Variants in PFKP observed in about 807,000 individuals in gnomAD.
PFKP encodes phosphofructokinase, platelet, also known as ATP-dependent 6-phosphofructokinase, platelet type.
In PFKP, 101 loss-of-function variants were observed where a neutral mutation model predicts 94.3. The observed-to-expected ratio is 1.07, with a 90% confidence interval of 0.91 to 1.26. The LOEUF (loss-of-function observed/expected upper bound fraction) is 1.26. Ranked by LOEUF, PFKP falls within the 50% of genes most tolerant of loss-of-function variation. PFKP has a pLI of 0.00. For missense variants in PFKP, 1,145 were observed against 1,103.3 expected (o/e 1.04, Z -0.53); for synonymous variants, 573 against 432.6 (o/e 1.32, Z -4.03).
chr10:3,125,380 C>T (rs1436040727), intron 16 of PFKP: 1 of 635,810 alleles, frequency 1.6e-6, no homozygotes, highest in Non-Finnish European at 2.2e-6. Context: ...TTATGTCACA[C>T]TGGCCAGAAC....
At position 3,129,881 on chromosome 10, in the gene PFKP, C is replaced by T. The variant is rs1169027889; in HGVS notation, c.1746C>T (p.Thr582=). The change falls in exon 17 of 22, where the codon ACC becomes ACT. Residue 582 remains threonine, a synonymous_variant. Coordinates refer to ENST00000381125, the MANE Select transcript of PFKP (RefSeq NM_002627.5). ...GTKRRVFIIE[T]MGGYCGYLAN... is the part of the protein sequence containing the mutation. ...AGCGGCGCGTGTTCATCATCGAGAC[C>T]ATGGGCGGCTACTGTGGCTACCTGG... The T allele has an allele frequency of 6.2e-6, 10 of 1,613,652 alleles. No individual in the cohort carries two copies. Among genetic ancestry groups the T allele is most frequent in the Admixed American group, 3.3e-5 (2 of 60,002 alleles).
At chr10:3,119,596 C>T (rs919326483) in intron 15 of PFKP, among the ~76,000 whole-genome samples, 1 of 99,102 alleles carries the variant, frequency 1.0e-5, no homozygotes, top group Non-Finnish European at 2.2e-5. Context: ...CAAAGCGAGA[C>T]TCCGTCTCAA....
intron 1 of PFKP, chr10:3,068,530 C>A: frequency 3.3e-6 from 1 of 299,284 alleles, no homozygotes; most frequent in Non-Finnish European, 4.9e-6. Flanking sequence ...AGCGGCGCCG[C>A]GGCGCGGGCT....
intron 1 of PFKP, 47 bp downstream of exon 1, chr10:3,067,754 C>A: frequency 2.8e-6 from 3 of 1,052,994 alleles, no homozygotes; most frequent in South Asian, 1.6e-5. Flanking sequence ...ACGGACGGAG[C>A]TGGGGAGAAC....
intron 4 of PFKP, among the ~76,000 whole-genome samples, chr10:3,103,074 G>A (rs1835177420): frequency 6.6e-6 from 1 of 152,250 alleles, no homozygotes; most frequent in African/African-American, 2.4e-5. Context: ...TCCCACAGAT[G>A]CATGAGAAAT....
chr10:3,100,850 G>A lies in PFKP; in HGVS notation c.265-515G>A, dbSNP rs1460967540. On this transcript the variant is annotated intron_variant, in intron 3 of 21. Transcript: ENST00000381125. Reference sequence around the variant, plus strand: ...GATATAGCTCTTTAAAAGGGGCAGCGAGTATGTGGTGCAAAAAAAAAAAAA... The same window carrying A: ...GATATAGCTCTTTAAAAGGGGCAGCAAGTATGTGGTGCAAAAAAAAAAAAA... 18 of 501,584 alleles carry A rather than the reference G, an allele frequency of 3.6e-5. 1 individual carries two copies. The highest frequency in any genetic ancestry group is 1.8e-4 in the South Asian group (8 of 44,804). 31.1% of individuals were successfully genotyped at this position (501,584 alleles called of 1,614,324 possible). A position where few individuals can be genotyped will look rare whatever the true frequency, so the allele number is the denominator to read the frequency against.
intron 6 of PFKP, 100 bp from the exon 7 acceptor site, chr10:3,105,290 ACCT>A: frequency 7.7e-7 from 1 of 1,295,250 alleles, no homozygotes; most frequent in South Asian, 1.2e-5. Flanking sequence ...CCCGCTTCAT[ACCT>A]GGCGTTAGGT....
chr10:3,104,821 G>T, intron 5 of PFKP: 3 of 500,930 alleles, frequency 6.0e-6, no homozygotes, highest in Non-Finnish European at 1.1e-5. Context: ...CGGGGCCGGG[G>T]AGTGTGAGTG....
intron 2 of PFKP, among the ~76,000 whole-genome samples, chr10:3,088,421 A>G (rs1324067279): frequency 1.3e-5 from 2 of 152,038 alleles, no homozygotes; most frequent in Admixed American, 1.3e-4. Context: ...GGTGGTTCCA[A>G]GTCTTTAATT....
chr10:3,113,359 TTC>T lies in PFKP; in HGVS notation c.1225-11_1225-10del. The T allele has an allele frequency of 6.3e-7, 1 of 1,577,752 alleles. No individual in the cohort carries two copies. Among genetic ancestry groups the T allele is most frequent in the Non-Finnish European group, 8.6e-7 (1 of 1,158,058 alleles). Reference sequence around the variant, plus strand: ...GCCCGTGACCCAGCACTCACCTGCCTTCTGTTTTGCAGACCAATTGCAACGTA... The same window carrying T: ...GCCCGTGACCCAGCACTCACCTGCCTTGTTTTGCAGACCAATTGCAACGTA... On this transcript the variant is annotated splice_polypyrimidine_tract_variant and intron_variant, in intron 12 of 21. Coordinates refer to ENST00000381125, the MANE Select transcript of PFKP (RefSeq NM_002627.5).
intron 1 of PFKP, among the ~76,000 whole-genome samples, chr10:3,073,489 C>T (rs913857175): frequency 6.6e-6 from 1 of 151,750 alleles, no homozygotes; most frequent in African/African-American, 2.4e-5. Context: ...CCGACTCTCA[C>T]GGGGAGGGCA....
intron 8 of PFKP, 40 bp downstream of exon 8, chr10:3,107,349 C>T: frequency 2.3e-6 from 3 of 1,295,508 alleles, no homozygotes; most frequent in Non-Finnish European, 3.4e-6. Flanking sequence ...CGGTTTCTGC[C>T]TGGAAGCAGG....
chr10:3,119,104 C>G (rs79741073), intron 15 of PFKP, among the ~76,000 whole-genome samples: 1 of 144,346 alleles, frequency 6.9e-6, no homozygotes, highest in Admixed American at 7.2e-5. Context: ...CTCCTTAACC[C>G]GGGCCTCATC....
chr10:3,136,633 C>A lies in PFKP; in HGVS notation c.*54C>A, dbSNP rs925379817. On this transcript the variant is annotated 3_prime_UTR_variant, in exon 22 of 22. Transcript: ENST00000381125. ...CACCGTGGACTGTCTGTTTTTGTAACACTTAAGTTATTTTATCAGCACTTT... is the reference window on the plus strand; with the variant it reads ...CACCGTGGACTGTCTGTTTTTGTAAAACTTAAGTTATTTTATCAGCACTTT... 1.9e-6 allele frequency: 3 copies of A among 1,582,946 alleles called. No homozygotes were observed. The highest frequency in any genetic ancestry group is 3.4e-5 in the Admixed American group (2 of 58,494).
intron 2 of PFKP, among the ~76,000 whole-genome samples, chr10:3,082,950 A>G (rs955010657): frequency 1.3e-5 from 2 of 152,102 alleles, no homozygotes; most frequent in African/African-American, 4.8e-5. Context: ...TCCTCAAGCT[A>G]TCCACCCGCC....
intron 2 of PFKP, among the ~76,000 whole-genome samples, chr10:3,090,578 C>A (rs548158518): frequency 6.6e-6 from 1 of 151,910 alleles, no homozygotes; most frequent in Non-Finnish European, 1.5e-5. Context: ...CTGGTCTCTG[C>A]GTCATACCCA....
At chr10:3,105,274 C>A (rs140844105) in intron 6 of PFKP, 115 bp downstream of exon 6, 2 of 1,302,636 alleles carry the variant, frequency 1.5e-6, no homozygotes, top group East Asian at 2.3e-5. Context: ...CTGAAGGGGC[C>A]GGCATCCCGC....
At chr10:3,103,750 A>G in intron 4 of PFKP, 29 bp from the exon 5 acceptor site, 1 of 1,612,088 alleles carries the variant, frequency 6.2e-7, no homozygotes, top group Non-Finnish European at 8.5e-7. Flanking sequence ...GGTTACGGCG[A>G]TGAGACGTGC....
intron 11 of PFKP, 38 bp downstream of exon 11, chr10:3,112,324 C>T (rs1473267502): frequency 6.7e-7 from 1 of 1,500,808 alleles, no homozygotes; most frequent in Non-Finnish European, 9.3e-7. Context: ...CTGTCAGGAA[C>T]ACACACCCCT....
Sources: gnomAD v4.1 joint callset for allele counts (sites outside exome capture counted in the v4.1 genomes callset) on GRCh38, gnomAD v4.1.1 for gene constraint, MANE v1.5 for transcripts, NCBI Gene and HGNC (gene_info 2026-07-23, HGNC 2026-07-21) for gene names.